The following FBXO24 variants were observed in gnomAD, a reference collection of about 807,000 sequenced individuals.
The protein encoded by FBXO24 is F-box protein 24, also known as F-box only protein 24.
In FBXO24, 30 loss-of-function variants were observed where a neutral mutation model predicts 63.5. The observed-to-expected ratio is 0.47, with a 90% CI of 0.35 to 0.64. The LOEUF is 0.64. Among genes scored for constraint, FBXO24 ranks in the 30% least tolerant of loss-of-function variants. The pLI is 0.00. For missense variants in FBXO24, 624 were observed against 763.4 expected (o/e 0.82, Z 2.15); for synonymous variants, 300 against 305.0 (o/e 0.98, Z 0.17).
In FBXO24 at chr7:100,600,423, C is replaced by T; in HGVS notation, c.1378-111C>T. The T allele has an allele frequency of 2.0e-6, 3 of 1,508,100 alleles. No homozygotes were observed. Among genetic ancestry groups the T allele is most frequent in the Non-Finnish European group, 2.7e-6 (3 of 1,126,878 alleles). The allele number at this position is 1,508,100 out of a possible 1,614,324, so 93.4% of individuals were successfully genotyped here. A position where few individuals can be genotyped will look rare whatever the true frequency, so the allele number is the denominator to read the frequency against. ...ACACACCCCTGGGACTTAGCCGGCT[C>T]AGGGCTGGTGTGAGAGGGAAGAATG... On this transcript the variant is annotated intron_variant, in intron 9 of 9. Coordinates refer to ENST00000241071, the MANE Select transcript of FBXO24 (RefSeq NM_033506.3). The surrounding 1 kb of genome is among the most constrained non-coding windows in gnomAD (Gnocchi z 6.3).
At position 100,586,451 on chromosome 7, in the gene FBXO24, C is replaced by G. The variant is rs1801756186; in HGVS notation, c.-175C>G. 1 of 695,322 alleles carries G rather than the reference C, an allele frequency of 1.4e-6. No individual in the cohort carries two copies. 43.1% of individuals were successfully genotyped at this position (695,322 alleles called of 1,614,324 possible). ...ACCAAGAGGAGGGGACACCGGCACTCCACTAGCAGGAAAACGGGCCGAGGG... is the reference window on the plus strand; with the variant it reads ...ACCAAGAGGAGGGGACACCGGCACTGCACTAGCAGGAAAACGGGCCGAGGG... On this transcript the variant is annotated 5_prime_UTR_variant, in exon 1 of 10. Coordinates refer to ENST00000241071, the MANE Select transcript of FBXO24 (RefSeq NM_033506.3).
At position 100,600,722 on chromosome 7, in the gene FBXO24, C is replaced by T. The variant is rs764064067; in HGVS notation, c.1566C>T (p.Tyr522=). 1.2e-6 allele frequency: 2 copies of T among 1,614,202 alleles called. No individual in the cohort carries two copies. Among genetic ancestry groups the T allele is most frequent in the Admixed American group, 1.7e-5 (1 of 60,032 alleles). ...PGGMAQACEE[Y]LSQIHSCQTL... ...GGATGGCCCAGGCCTGCGAGGAGTACCTCAGCCAGATCCACAGTTGCCAAA... is the reference window on the plus strand; with the variant it reads ...GGATGGCCCAGGCCTGCGAGGAGTATCTCAGCCAGATCCACAGTTGCCAAA... The change falls in exon 10 of 10, where the codon TAC becomes TAT. Residue 522 remains tyrosine, a synonymous_variant. Transcript: ENST00000241071. The surrounding 1 kb of genome is among the most constrained non-coding windows in gnomAD (Gnocchi z 6.3).
In FBXO24 at chr7:100,590,198, CCAGT is replaced by C; in HGVS notation, c.167_170del (p.Val56GlufsTer50). 1 of 1,614,022 alleles carries C rather than the reference CCAGT, an allele frequency of 6.2e-7. No individual in the cohort carries two copies. Among genetic ancestry groups the C allele is most frequent in the Non-Finnish European group, 8.5e-7 (1 of 1,179,942 alleles). ...GGTGGAGCATATCATCTCATTCCTC[CCAGT>C]CAGAGACCTTGTTGCCCTCGGCCAG... On this transcript the variant is annotated frameshift_variant, in exon 3 of 10. Coordinates refer to ENST00000241071, the MANE Select transcript of FBXO24 (RefSeq NM_033506.3). LOFTEE classifies it high-confidence loss of function.
rs148977607 is a variant in FBXO24, at chr7:100,591,705, C to T, written c.361C>T (p.Arg121Cys). 12 of 1,614,096 alleles carry T rather than the reference C, an allele frequency of 7.4e-6. No homozygotes were observed. The highest frequency in any genetic ancestry group is 8.5e-6 in the Non-Finnish European group (10 of 1,180,038). ...GLYFQAFGGR[R>C]RCLSKSVAPL... Reference sequence around the variant, plus strand: ...GTATTTCCAGGCATTTGGAGGCCGCCGCCGATGTCTCAGCAAGAGCGTGGC... The same window carrying T: ...GTATTTCCAGGCATTTGGAGGCCGCTGCCGATGTCTCAGCAAGAGCGTGGC... Residue 121 changes from arginine to cysteine, a missense_variant, in exon 4 of 10, where the codon CGC (arginine) becomes TGC (cysteine). Around this residue, in one of 3 missense-constraint regions of FBXO24, gnomAD observed 391 missense variants for 469.1 expected, o/e 0.83. Transcript: ENST00000241071.
intron 8 of FBXO24, among the ~76,000 whole-genome samples, chr7:100,596,018 C>T (rs548861076): frequency 7.2e-5 from 11 of 152,180 alleles, no homozygotes; most frequent in Admixed American, 7.2e-4. Context: ...AGCCTCACGC[C>T]TGTAATCCCG....
chr7:100,591,607 C>T, intron 3 of FBXO24, 60 bp from the exon 4 acceptor site: 1 of 1,523,936 alleles, frequency 6.6e-7, no homozygotes, highest in Middle Eastern at 1.8e-4. Flanking sequence ...ACCCAAGCTC[C>T]AACTCATCTC....
In FBXO24 at chr7:100,590,074, T is replaced by A. The variant is rs1562815497; in HGVS notation, c.137T>A (p.Leu46Gln). ...TCCATCCAGTTGTTCCCCCCAGAGCTGGTGAGTCCTTGGGGAGGGGGATTG... is the reference window on the plus strand; with the variant it reads ...TCCATCCAGTTGTTCCCCCCAGAGCAGGTGAGTCCTTGGGGAGGGGGATTG... ...PISIQLFPPE[L>Q]VEHIISFLPV... Residue 46 changes from leucine to glutamine, a missense_variant and splice_region_variant, in exon 2 of 10, where the codon CTG becomes CAG. Physicochemically the swap from Leu to Gln is moderately radical, Grantham distance 113. Coordinates refer to ENST00000241071, the MANE Select transcript of FBXO24 (RefSeq NM_033506.3). 1 of 1,611,574 alleles carries A rather than the reference T, an allele frequency of 6.2e-7. No individual in the cohort carries two copies. The highest frequency in any genetic ancestry group is 1.3e-5 in the African/African-American group (1 of 74,552).
At position 100,600,681 on chromosome 7, in the gene FBXO24, C is replaced by T. The variant is rs781697038; in HGVS notation, c.1525C>T (p.Pro509Ser). Residue 509 changes from proline (P) to serine (S), a missense_variant, in exon 10 of 10, where the codon CCC becomes TCC. Physicochemically the swap from Pro to Ser is moderately conservative, Grantham distance 74 (BLOSUM62 -1). Coordinates refer to ENST00000241071, the MANE Select transcript of FBXO24 (RefSeq NM_033506.3). The surrounding 1 kb of genome is among the most constrained non-coding windows in gnomAD (Gnocchi z 6.3). ...TPEPSLGARA[P>S]QDPGGMAQAC... ...TGAGCCCAGCCTGGGGGCCAGAGCA[C>T]CCCAGGACCCCGGGGGGATGGCCCA... The T allele has an allele frequency of 2.5e-6, 4 of 1,614,008 alleles. No individual in the cohort carries two copies. The highest frequency in any genetic ancestry group is 1.3e-5 in the African/African-American group (1 of 74,928).
At chr7:100,590,490 C>T in intron 3 of FBXO24, 133 bp downstream of exon 3, 2 of 892,192 alleles carry the variant, frequency 2.2e-6, no homozygotes, top group Non-Finnish European at 3.3e-6. Context: ...AGAAACGGGT[C>T]CAGTTCAAAC....
Position 100,598,109 on chromosome 7 carries a change from C to G in FBXO24, c.1207-1922C>G, listed in dbSNP as rs574603375. Among the ~76,000 whole-genome samples the G allele has an allele frequency of 2.2e-4, 33 of 152,074 alleles. 1 individual carries two copies. The highest frequency in any genetic ancestry group is 1.6e-3 in the Admixed American group (25 of 15,266). ...ATCCCAACTACTCAGGAGGCTGAGA[C>G]AGGAGGATTGCTTGAGGCCAGGAGT... On this transcript the variant is annotated intron_variant, in intron 8 of 9. Transcript: ENST00000241071.
In FBXO24 at chr7:100,591,675, G is replaced by A. The variant is rs1394536731; in HGVS notation, c.331G>A (p.Gly111Ser). ...CTCCTTCCTTCCTCCAGACACGAAG[G>A]GCCTGTATTTCCAGGCATTTGGAGG... ...KRAAILNYTK[G>S]LYFQAFGGRR... is the part of the protein sequence containing the mutation. Residue 111 changes from glycine to serine, a missense_variant, in exon 4 of 10, where the codon GGC becomes AGC. This residue lies in a region of FBXO24 where 391 missense variants were observed against 469.1 expected (regional missense o/e 0.83). Coordinates refer to ENST00000241071, the MANE Select transcript of FBXO24 (RefSeq NM_033506.3). 6.2e-6 allele frequency: 10 copies of A among 1,613,940 alleles called. No individual in the cohort carries two copies. Among genetic ancestry groups the A allele is most frequent in the Non-Finnish European group, 8.5e-6 (10 of 1,179,874 alleles).
intron 7 of FBXO24, 141 bp downstream of exon 7, chr7:100,595,364 GGGCTCGGTGCGGAGGGA>G: frequency 1.4e-6 from 2 of 1,480,396 alleles, no homozygotes; most frequent in South Asian, 2.6e-5. Context: ...GATCAGCTGG[GGGCTCGGTGCGGAGGGA>G]GGCTGAGGAG....
chr7:100,592,671 C>G (rs999870150), intron 4 of FBXO24, 112 bp from the exon 5 acceptor site: 1 of 795,948 alleles, frequency 1.3e-6, no homozygotes, highest in African/African-American at 1.7e-5. Context: ...ATCAAGGGCT[C>G]ATTTCCCAAC....
chr7:100,587,484 G>A (rs927720792), intron 1 of FBXO24, among the ~76,000 whole-genome samples: 3 of 150,590 alleles, frequency 2.0e-5, no homozygotes, highest in Admixed American at 1.3e-4. Context: ...TTGTATTTTA[G>A]TAGAGACGGG....
rs1006329582 is a variant in FBXO24, at chr7:100,600,258, A to G, written c.1377+57A>G. 1.5e-5 allele frequency: 22 copies of G among 1,464,424 alleles called. No homozygotes were observed. Among genetic ancestry groups the G allele is most frequent in the Non-Finnish European group, 1.8e-5 (20 of 1,103,794 alleles). 90.7% of individuals were successfully genotyped at this position (1,464,424 alleles called of 1,614,324 possible). A position where few individuals can be genotyped will look rare whatever the true frequency, so the allele number is the denominator to read the frequency against. On this transcript the variant is annotated intron_variant, in intron 9 of 9. Transcript: ENST00000241071. This position sits in a 1 kb window ranked among gnomAD's most constrained non-coding sequence, Gnocchi z 6.3. Reference sequence around the variant, plus strand: ...GGGAGGATGAGAGCCATGAACCAGGAAGCCCACAGGCTGTAGCTGGGGCTC... The same window carrying G: ...GGGAGGATGAGAGCCATGAACCAGGGAGCCCACAGGCTGTAGCTGGGGCTC...
chr7:100,598,409 A>C (rs1280643464), intron 8 of FBXO24, among the ~76,000 whole-genome samples: 1 of 152,150 alleles, frequency 6.6e-6, no homozygotes, highest in East Asian at 1.9e-4. Flanking sequence ...CAGGAGAATG[A>C]GGGGGCAGAA....
chr7:100,594,254 C>T lies in FBXO24; in HGVS notation c.794-129C>T, dbSNP rs910355850. 2 of 1,017,048 alleles carry T rather than the reference C, an allele frequency of 2.0e-6. No homozygotes were observed. Among genetic ancestry groups the T allele is most frequent in the Non-Finnish European group, 2.8e-6 (2 of 710,658 alleles). 63.0% of individuals were successfully genotyped at this position (1,017,048 alleles called of 1,614,324 possible). ...TCTGGGGGACTTGGGGTCACTCTTC[C>T]CTTATTTCTTTCTCAGCCCCACTCT... On this transcript the variant is annotated intron_variant, in intron 5 of 9. Transcript: ENST00000241071. The surrounding 1 kb of genome is among the most constrained non-coding windows in gnomAD (Gnocchi z 4.2).
intron 1 of FBXO24, 47 bp downstream of exon 1, chr7:100,586,711 C>G: frequency 1.2e-6 from 2 of 1,609,844 alleles, no homozygotes; most frequent in South Asian, 1.1e-5. Flanking sequence ...CGCGGAGCCC[C>G]TGGCCGGCCG....
At chr7:100,599,791 G>T in intron 8 of FBXO24, 1 of 519,604 alleles carries the variant, frequency 1.9e-6, no homozygotes, top group Non-Finnish European at 3.5e-6. Flanking sequence ...GCTCAGGCAA[G>T]GAGCTGATTT....
Sources: gnomAD v4.1 joint callset for allele counts (sites outside exome capture counted in the v4.1 genomes callset) on GRCh38, gnomAD v4.1.1 for gene constraint, gnomAD v4.1.1 regional missense constraint, Gnocchi (gnomAD v3.1) non-coding constraint, MANE v1.5 for transcripts, NCBI Gene and HGNC (gene_info 2026-07-23, HGNC 2026-07-21) for gene names.